Variants in FBRSL1 observed in about 807,000 individuals in gnomAD.
The protein encoded by FBRSL1 is fibrosin-1-like protein.
FBRSL1 carries 51 observed loss-of-function variants against 89.6 expected under a neutral mutation model. The observed-to-expected ratio is 0.57, with a 90% CI of 0.45 to 0.72. The LOEUF (loss-of-function observed/expected upper bound fraction) is 0.72, where lower values mean the gene tolerates loss of function less well. FBRSL1 is among the 30% of genes least tolerant of loss of function. The pLI is 0.00. For synonymous variants in FBRSL1, 779 were observed against 681.1 expected (o/e 1.14, Z -2.24); for missense variants, 1,618 against 1,451.8 (o/e 1.11, Z -1.86).
intron 3 of FBRSL1, among the ~76,000 whole-genome samples, chr12:132,526,062 C>T (rs541331514): frequency 5.2e-4 from 79 of 152,386 alleles, no homozygotes; most frequent in Non-Finnish European, 9.4e-4. Flanking sequence ...ATTTTGCCTT[C>T]GTTAAAGCGT....
chr12:132,507,814 T>G (rs1025691755), intron 1 of FBRSL1, among the ~76,000 whole-genome samples: 1 of 152,034 alleles, frequency 6.6e-6, no homozygotes, highest in Admixed American at 6.5e-5. Flanking sequence ...TCTTGAAAGG[T>G]AGCCCTGGTC....
intron 4 of FBRSL1, among the ~76,000 whole-genome samples, chr12:132,539,671 G>A (rs962039322): frequency 3.9e-5 from 3 of 76,448 alleles, no homozygotes; most frequent in African/African-American, 5.4e-5. Context: ...CGTCCAGCCC[G>A]ATGCCCACCC....
intron 4 of FBRSL1, 100 bp from the exon 5 acceptor site, chr12:132,547,903 C>T: frequency 7.6e-7 from 1 of 1,321,990 alleles, no homozygotes; most frequent in Non-Finnish European, 1.1e-6. Context: ...GCAGCCAGGG[C>T]CGCCCCACCC....
intron 4 of FBRSL1, among the ~76,000 whole-genome samples, chr12:132,535,235 C>T (rs1055638426): frequency 1.2e-4 from 18 of 152,242 alleles, no homozygotes; most frequent in East Asian, 1.9e-4. Flanking sequence ...TATATTAATA[C>T]GGTCGGCTCC....
intron 14 of FBRSL1, among the ~76,000 whole-genome samples, chr12:132,575,328 C>T (rs1011922877): frequency 2.6e-5 from 4 of 152,188 alleles, no homozygotes; most frequent in Admixed American, 1.3e-4. Context: ...CCCGGGTTCA[C>T]GCCATTCTCC....
chr12:132,514,774 C>T (rs1056976947), intron 2 of FBRSL1, among the ~76,000 whole-genome samples: 3 of 152,110 alleles, frequency 2.0e-5, no homozygotes, highest in Non-Finnish European at 4.4e-5. Context: ...CCTAGGGCAG[C>T]ACTGTTTAAT....
intron 5 of FBRSL1, chr12:132,559,917 C>T (rs1372966162): frequency 6.7e-6 from 1 of 149,176 alleles, no homozygotes; most frequent in African/African-American, 2.4e-5. Flanking sequence ...TTAGTCGGGT[C>T]TGCCCGCGCC....
Position 132,494,795 on chromosome 12 carries a change from C to T in FBRSL1, c.291+3934C>T, listed in dbSNP as rs2031716995. On this transcript the variant is annotated intron_variant, in intron 1 of 18. Transcript: ENST00000680143. Reference sequence around the variant, plus strand: ...GGCCACGCAGAAGGTCCACGTGTGTCCCAGGAATAAAGGCGGAAGGAAAGC... The same window carrying T: ...GGCCACGCAGAAGGTCCACGTGTGTTCCAGGAATAAAGGCGGAAGGAAAGC... 2.6e-5 allele frequency among the ~76,000 whole-genome samples: 4 copies of T among 152,198 alleles called. No homozygotes were observed. In the South Asian group the frequency reaches 6.2e-4, roughly 24 times the overall value.
intron 1 of FBRSL1, among the ~76,000 whole-genome samples, chr12:132,506,619 C>T (rs2033719155): frequency 6.6e-6 from 1 of 152,272 alleles, no homozygotes; most frequent in South Asian, 2.1e-4. Context: ...CTCTGGGCTG[C>T]AGCCTTTGAT....
intron 4 of FBRSL1, among the ~76,000 whole-genome samples, chr12:132,530,155 C>G (rs1001059700): frequency 9.2e-5 from 14 of 151,886 alleles, no homozygotes; most frequent in Admixed American, 9.2e-4. Context: ...CTCCGCCCTT[C>G]CCATCATCAT....
intron 17 of FBRSL1, 114 bp from the exon 18 acceptor site, chr12:132,581,948 C>T (rs990899786): frequency 3.9e-6 from 5 of 1,282,212 alleles, no homozygotes; most frequent in Admixed American, 4.8e-5. Context: ...CTCCTTGGGG[C>T]ACCCCCTTCT....
chr12:132,575,344 C>T lies in FBRSL1; in HGVS notation c.1701+780C>T, dbSNP rs540900721. Among the ~76,000 whole-genome samples the T allele has an allele frequency of 3.6e-3, 544 of 152,342 alleles. 3 individuals are homozygous for T. Among genetic ancestry groups the T allele is most frequent in the African/African-American group, 0.012 (507 of 41,596 alleles). On this transcript the variant is annotated intron_variant, in intron 14 of 18. Transcript: ENST00000680143. ...CCGGGTTCACGCCATTCTCCTACCT[C>T]GGCCTCCCGAGTAGCTGGGACTACA...
intron 1 of FBRSL1, among the ~76,000 whole-genome samples, chr12:132,497,693 A>T (rs1234148012): frequency 6.6e-6 from 1 of 151,912 alleles, no homozygotes; most frequent in East Asian, 1.9e-4. Context: ...GGGCCTCGGG[A>T]CCCCTAGGGC....
intron 5 of FBRSL1, chr12:132,565,725 G>A (rs1429517138): frequency 1.3e-5 from 2 of 152,282 alleles, no homozygotes; most frequent in African/African-American, 2.4e-5. Flanking sequence ...CTTCTTTGCA[G>A]TTGCTTCCTC....
intron 2 of FBRSL1, among the ~76,000 whole-genome samples, chr12:132,515,319 T>G (rs1032193141): frequency 2.0e-5 from 3 of 152,122 alleles, no homozygotes; most frequent in Non-Finnish European, 4.4e-5. Context: ...TCTCCTCTCC[T>G]CACTCCCCTG....
intron 3 of FBRSL1, among the ~76,000 whole-genome samples, 166 bp downstream of exon 3, chr12:132,525,989 G>C (rs117574292): frequency 1.3e-5 from 2 of 152,264 alleles, no homozygotes; most frequent in Admixed American, 1.3e-4. Flanking sequence ...CCTGCACAAG[G>C]GCGTCCAGGA....
In FBRSL1 at chr12:132,506,353, A is replaced by G. The variant is rs546552396; in HGVS notation, c.292-1800A>G. On this transcript the variant is annotated intron_variant, in intron 1 of 18. Transcript: ENST00000680143. The stretch of plus-strand genomic sequence containing the variant: ...CCTTGACACATGCGTCCTTCTGGCC[A>G]GCTGTGAGCACTGTGGCAATGGGGA... 3.9e-5 allele frequency among the ~76,000 whole-genome samples: 6 copies of G among 152,326 alleles called. No individual in the cohort carries two copies. The South Asian group carries it at 1.2e-3, about 32-fold the overall frequency.
intron 2 of FBRSL1, among the ~76,000 whole-genome samples, chr12:132,517,347 G>A (rs2034934607): frequency 6.6e-6 from 1 of 152,262 alleles, no homozygotes; most frequent in Non-Finnish European, 1.5e-5. Flanking sequence ...AGCAGGCACT[G>A]CTCCCCACAG....
At chr12:132,535,841 A>G (rs1395228706) in intron 4 of FBRSL1, among the ~76,000 whole-genome samples, 2 of 144,586 alleles carry the variant, frequency 1.4e-5, no homozygotes, top group African/African-American at 5.3e-5. Context: ...GCACGTGTCC[A>G]TGGTGTGTGA....
Sources: gnomAD v4.1 joint callset for allele counts (sites outside exome capture counted in the v4.1 genomes callset) on GRCh38, gnomAD v4.1.1 for gene constraint, MANE v1.5 for transcripts, NCBI Gene and HGNC (gene_info 2026-07-23, HGNC 2026-07-21) for gene names.